The following CRPPA variants were observed in gnomAD, a reference collection of about 807,000 sequenced individuals.
The protein encoded by CRPPA is CDP-L-ribitol pyrophosphorylase A.
In CRPPA, 43 loss-of-function variants were observed where a neutral mutation model predicts 52.0. The observed-to-expected ratio is 0.83, with a 90% CI of 0.65 to 1.07. The LOEUF (loss-of-function observed/expected upper bound fraction) is 1.07, where lower values mean the gene tolerates loss of function less well. CRPPA is among the 50% of genes least tolerant of loss of function. CRPPA has a pLI of 0.00. For missense variants in CRPPA, 629 were observed against 551.7 expected (o/e 1.14, Z -1.40); for synonymous variants, 250 against 203.5 (o/e 1.23, Z -1.94).
intron 3 of CRPPA, among the ~76,000 whole-genome samples, chr7:16,310,017 G>A (rs77048960): frequency 7.3e-4 from 111 of 152,058 alleles, no homozygotes; most frequent in African/African-American, 2.7e-3. Context: ...TAATCCAAAG[G>A]CCAACAGAAA....
chr7:16,162,713 T>C (rs992211289), intron 9 of CRPPA, among the ~76,000 whole-genome samples: 1 of 152,124 alleles, frequency 6.6e-6, no homozygotes, highest in African/African-American at 2.4e-5. Flanking sequence ...CAGAGCTGAG[T>C]TTAATTCCTG....
At chr7:16,267,987 A>T (rs112414690) in intron 6 of CRPPA, among the ~76,000 whole-genome samples, 2,012 of 152,240 alleles carry the variant, frequency 0.013, 43 homozygotes, top group African/African-American at 0.046. Flanking sequence ...TATGTAACGG[A>T]TTAGAGCACC....
At chr7:16,117,313 T>C (rs1782395170) in intron 9 of CRPPA, among the ~76,000 whole-genome samples, 1 of 152,120 alleles carries the variant, frequency 6.6e-6, no homozygotes, top group Admixed American at 6.5e-5. Flanking sequence ...AGGGGTGAGT[T>C]CTCTTTGGAA....
At chr7:16,216,695 A>G (rs1782327969) in intron 8 of CRPPA, 1 of 154,200 alleles carries the variant, frequency 6.5e-6, no homozygotes, top group Non-Finnish European at 1.4e-5. Context: ...CACCTGGAAA[A>G]TCGGGTCACT....
intron 9 of CRPPA, among the ~76,000 whole-genome samples, chr7:16,124,140 C>A (rs1324584945): frequency 1.5e-5 from 2 of 135,080 alleles, no homozygotes; most frequent in African/African-American, 5.7e-5. Flanking sequence ...AACCTCCATA[C>A]TGTTTTCCAT....
At chr7:16,295,369 C>G (rs1784649572) in intron 5 of CRPPA, among the ~76,000 whole-genome samples, 1 of 151,902 alleles carries the variant, frequency 6.6e-6, no homozygotes, top group South Asian at 2.1e-4. Flanking sequence ...TTAACTAAAG[C>G]CAGTTAAAAC....
chr7:16,245,578 C>T lies in CRPPA; in HGVS notation c.1119+12812G>A, dbSNP rs141429449. On this transcript the variant is annotated intron_variant, in intron 8 of 9. Transcript: ENST00000407010. The stretch of plus-strand genomic sequence containing the variant: ...AGTGATTTGCTCCATCCTATGGATA[C>T]AGATTCTAGACATAATCTAGTGACA... Among the ~76,000 whole-genome samples, 960 of 152,286 alleles carry T rather than the reference C, an allele frequency of 6.3e-3. 16 individuals are homozygous for T. The highest frequency in any genetic ancestry group is 0.023 in the African/African-American group (942 of 41,566).
chr7:16,375,320 A>G (rs1391152847), intron 3 of CRPPA, among the ~76,000 whole-genome samples: 3 of 152,198 alleles, frequency 2.0e-5, no homozygotes, highest in African/African-American at 7.2e-5. Flanking sequence ...CAAACTTATC[A>G]TCATTGGGAA....
intron 9 of CRPPA, among the ~76,000 whole-genome samples, chr7:16,114,880 TAA>T (rs149201578): frequency 0.036 from 5,406 of 152,018 alleles, 265 homozygotes; most frequent in East Asian, 0.26. Context: ...AAGAAATTAA[TAA>T]GAGAGAACTT....
Position 16,117,950 on chromosome 7 carries a change from C to T in CRPPA, c.1252-26151G>A, listed in dbSNP as rs543209754. Among the ~76,000 whole-genome samples the T allele has an allele frequency of 8.4e-4, 128 of 152,284 alleles. 1 individual carries two copies. Among genetic ancestry groups the T allele is most frequent in the African/African-American group, 3.0e-3 (124 of 41,556 alleles). ...CTAAATGTACCAAGACATGAGTAAG[C>T]TTTAAAACATAACAGGTCAGTGTCA... On this transcript the variant is annotated intron_variant, in intron 9 of 9. Transcript: ENST00000407010.
At chr7:16,249,376 T>TA (rs1245973753) in intron 8 of CRPPA, among the ~76,000 whole-genome samples, 2 of 152,200 alleles carry the variant, frequency 1.3e-5, no homozygotes, top group African/African-American at 4.8e-5. Context: ...ATTCGAGCTC[T>TA]AATAATGGAC....
At chr7:16,358,314 C>T (rs1786356965) in intron 3 of CRPPA, among the ~76,000 whole-genome samples, 1 of 152,142 alleles carries the variant, frequency 6.6e-6, no homozygotes, top group African/African-American at 2.4e-5. Context: ...TAAAAGATGT[C>T]TTAAGCAAGG....
At chr7:16,328,746 C>A (rs1237655067) in intron 3 of CRPPA, among the ~76,000 whole-genome samples, 5 of 152,096 alleles carry the variant, frequency 3.3e-5, no homozygotes, top group Admixed American at 3.3e-4. Flanking sequence ...AACTCCTGAC[C>A]TCAGGTGATC....
At chr7:16,272,193 T>C (rs1784105668) in intron 6 of CRPPA, among the ~76,000 whole-genome samples, 1 of 152,242 alleles carries the variant, frequency 6.6e-6, no homozygotes, top group Admixed American at 6.5e-5. Context: ...AGCCTTGTCC[T>C]TTAAGAATCA....
chr7:16,318,331 C>A (rs1225763192), intron 3 of CRPPA, among the ~76,000 whole-genome samples: 1 of 152,128 alleles, frequency 6.6e-6, no homozygotes, highest in Non-Finnish European at 1.5e-5. Context: ...TTAGCTTATG[C>A]TTTTATCAGT....
chr7:16,127,087 T>A (rs1418652224), intron 9 of CRPPA, among the ~76,000 whole-genome samples: 4 of 152,172 alleles, frequency 2.6e-5, no homozygotes, highest in African/African-American at 9.7e-5. Context: ...GGCTTTCAAG[T>A]TTCATTCACA....
chr7:16,379,520 T>C (rs1787013384), intron 2 of CRPPA, among the ~76,000 whole-genome samples: 1 of 152,212 alleles, frequency 6.6e-6, no homozygotes, highest in African/African-American at 2.4e-5. Context: ...TTTCCAATTC[T>C]ATGAAGAAAG....
chr7:16,231,945 C>A (rs1412977162), intron 8 of CRPPA, among the ~76,000 whole-genome samples: 1 of 152,174 alleles, frequency 6.6e-6, no homozygotes, highest in Non-Finnish European at 1.5e-5. Flanking sequence ...ATGGAGGAAT[C>A]CAGATTTCAT....
At position 16,089,282 on chromosome 7, in the gene CRPPA, G is replaced by GTA. The variant is rs1781767222; in HGVS notation, c.*2411_*2412dup. The GTA allele has an allele frequency of 2.6e-6, 1 of 378,204 alleles. No individual in the cohort carries two copies. The allele number at this position is 378,204 out of a possible 1,614,324, so 23.4% of individuals were successfully genotyped here. A position where few individuals can be genotyped will look rare whatever the true frequency, so the allele number is the denominator to read the frequency against. ...TGCGTACGTATATACATATATGTGT[G>GTA]TATGCGTACGTATATACATATATGT... On this transcript the variant is annotated 3_prime_UTR_variant, in exon 10 of 10. Transcript: ENST00000407010.
Sources: gnomAD v4.1 joint callset for allele counts (sites outside exome capture counted in the v4.1 genomes callset) on GRCh38, gnomAD v4.1.1 for gene constraint, MANE v1.5 for transcripts, NCBI Gene and HGNC (gene_info 2026-07-23, HGNC 2026-07-21) for gene names.